Variants in VPS13B observed in about 807,000 individuals in gnomAD.
The protein encoded by VPS13B is vacuolar protein sorting 13 homolog B, also known as intermembrane lipid transfer protein VPS13B.
A neutral mutation model predicts 426.4 loss-of-function variants in VPS13B; 285 were observed. The observed-to-expected ratio is 0.67, with a 90% confidence interval of 0.61 to 0.74. The LOEUF (loss-of-function observed/expected upper bound fraction) is 0.74, where lower values mean the gene tolerates loss of function less well. Ranked by LOEUF, VPS13B falls within the 30% of genes least tolerant of loss-of-function variation. The pLI, the probability that VPS13B is intolerant of heterozygous loss-of-function variation, is 0.00. For missense variants in VPS13B, 4,537 were observed against 4,782.6 expected (o/e 0.95, Z 1.51); for synonymous variants, 1,676 against 1,676.4 (o/e 1.00, Z 0.01).
chr8:99,793,199 G>A (rs1812642172), intron 43 of VPS13B, among the ~76,000 whole-genome samples: 1 of 143,968 alleles, frequency 6.9e-6, no homozygotes, highest in Admixed American at 7.0e-5. Context: ...GCAAGACCCT[G>A]TCGCCAAAAA....
rs2130933328 is a variant in VPS13B, at chr8:99,859,298, T to C, written c.10868-6T>C. On this transcript the variant is annotated splice_region_variant and splice_polypyrimidine_tract_variant and intron_variant, in intron 56 of 61. Transcript: ENST00000357162. Reference sequence around the variant, plus strand: ...TCAATCACCCCTTCCCTCTTGTGCGTTGCAGGCTGGGTAGTTGGGTCTCTG... The same window carrying C: ...TCAATCACCCCTTCCCTCTTGTGCGCTGCAGGCTGGGTAGTTGGGTCTCTG... 1.2e-6 allele frequency: 2 copies of C among 1,613,402 alleles called. No homozygotes were observed. The highest frequency in any genetic ancestry group is 1.7e-6 in the Non-Finnish European group (2 of 1,179,906).
chr8:99,307,434 A>G (rs1419423541), intron 19 of VPS13B, among the ~76,000 whole-genome samples: 1 of 152,134 alleles, frequency 6.6e-6, no homozygotes, highest in Non-Finnish European at 1.5e-5. Context: ...CTATTTTCAA[A>G]TGCTTCCTAA....
chr8:99,640,037 GAAGAAGAAGAAGAGAAAAGAAAAGAAA>G (rs1829264213), intron 33 of VPS13B, among the ~76,000 whole-genome samples: 1 of 111,954 alleles, frequency 8.9e-6, no homozygotes, highest in Non-Finnish European at 1.8e-5. Flanking sequence ...AGAAGAAGAA[GAAGAAGAAGAAGAGAAAAGAAAAGAAA>G]AGAAAAGAAA....
chr8:99,255,055 G>GT (rs576028550), intron 17 of VPS13B, among the ~76,000 whole-genome samples: 45 of 149,078 alleles, frequency 3.0e-4, no homozygotes, highest in Middle Eastern at 3.5e-3. Flanking sequence ...TTTTTTCCCT[G>GT]TTTTTTTTTC....
In VPS13B at chr8:99,862,653, G is replaced by A. The variant is rs569113134; in HGVS notation, c.11215+707G>A. Among the ~76,000 whole-genome samples, 83 of 152,226 alleles carry A rather than the reference G, an allele frequency of 5.5e-4. 3 individuals carry two copies. The South Asian group carries it at 0.014, about 25-fold the overall frequency. ...TGTATTGCTTGGCAATGTGCCTTCC[G>A]CGCATCTGAGGAAGTGTGTGCCTCC... On this transcript the variant is annotated intron_variant, in intron 58 of 61. Transcript: ENST00000357162.
chr8:99,117,304 G>A (rs1001487173), intron 7 of VPS13B, among the ~76,000 whole-genome samples: 13 of 152,168 alleles, frequency 8.5e-5, no homozygotes, highest in Non-Finnish European at 1.9e-4. Flanking sequence ...ACAGGTATTG[G>A]TGAGGATGTG....
At chr8:99,344,424 C>T (rs142885234) in intron 19 of VPS13B, among the ~76,000 whole-genome samples, 7 of 152,286 alleles carry the variant, frequency 4.6e-5, no homozygotes, top group East Asian at 1.9e-4. Context: ...GATGTGTTTT[C>T]GAATTTCTCT....
In VPS13B at chr8:99,134,634, C is replaced by T. The variant is rs756539595; in HGVS notation, c.1209C>T (p.Leu403=). ...YCTKATVTFK[L]TEMQVESSYY... ...CTTAATATTCTTATATTTCTTAGCT[C>T]ACAGAAATGCAAGTTGAGAGTAGTT... Residue 403 remains leucine, a splice_region_variant and synonymous_variant, in exon 9 of 62, where the codon CTC becomes CTT. Transcript: ENST00000357162. 9.2e-5 allele frequency: 147 copies of T among 1,599,914 alleles called. No individual in the cohort carries two copies. Among genetic ancestry groups the T allele is most frequent in the Non-Finnish European group, 1.2e-4 (141 of 1,170,994 alleles).
rs990040393 is a variant in VPS13B at position 99,778,716 on chromosome 8, C to T, written c.7464C>T (p.Asp2488=). 2 of 1,613,962 alleles carry T rather than the reference C, an allele frequency of 1.2e-6. No individual in the cohort carries two copies. The highest frequency in any genetic ancestry group is 8.5e-7 in the Non-Finnish European group (1 of 1,179,880). ...APQYLQPFVS[D]RNMPSELEYM... ...AGTACCTACAGCCATTTGTTTCCGA[C>T]AGAAATATGCCATCTGAACTAGAAT... Residue 2488 remains aspartate (D), a synonymous_variant, in exon 42 of 62, where the codon GAC becomes GAT. Coordinates refer to ENST00000357162, the MANE Select transcript of VPS13B (RefSeq NM_152564.5).
At chr8:99,637,930 A>C (rs1829135001) in intron 33 of VPS13B, among the ~76,000 whole-genome samples, 1 of 152,102 alleles carries the variant, frequency 6.6e-6, no homozygotes, top group Admixed American at 6.6e-5. Context: ...AGGATTTTTT[A>C]GTTATACTGT....
At chr8:99,086,662 A>T (rs2132395588) in intron 3 of VPS13B, among the ~76,000 whole-genome samples, 1 of 151,948 alleles carries the variant, frequency 6.6e-6, no homozygotes, top group Non-Finnish European at 1.5e-5. Flanking sequence ...TCTGTTTGTT[A>T]GTTTTCCTTC....
intron 13 of VPS13B, among the ~76,000 whole-genome samples, chr8:99,145,337 A>G (rs1382601691): frequency 6.6e-6 from 1 of 152,166 alleles, no homozygotes; most frequent in Non-Finnish European, 1.5e-5. Flanking sequence ...ATTAAGTTCT[A>G]TACAATTTCA....
intron 35 of VPS13B, chr8:99,696,236 T>G (rs1424724539): frequency 5.3e-6 from 1 of 188,042 alleles, no homozygotes; most frequent in African/African-American, 2.4e-5. Flanking sequence ...GTCCCTCAAG[T>G]CCTTCAAGGA....
rs750393129 is a variant in VPS13B, at chr8:99,717,352, C to T, written c.6636C>T (p.Asp2212=). ...AATCCATACCAAAAATATCCATTGA[C>T]TTAAGAGGAGGTCTACTACAGGTCT... ...PEQSIPKISI[D]LRGGLLQVFW... is the part of the protein sequence containing the mutation. The change falls in exon 37 of 62, where the codon GAC becomes GAT. Residue 2212 remains aspartate, a synonymous_variant. Transcript: ENST00000357162. 6.2e-7 allele frequency: 1 copy of T among 1,613,938 alleles called. No homozygotes were observed.
At chr8:99,813,551 C>G (rs1813846456) in intron 44 of VPS13B, among the ~76,000 whole-genome samples, 2 of 152,296 alleles carry the variant, frequency 1.3e-5, no homozygotes, top group South Asian at 4.1e-4. Flanking sequence ...CTAGCATATG[C>G]TAAAGAAAAG....
At chr8:99,226,842 T>C (rs78692334) in intron 17 of VPS13B, among the ~76,000 whole-genome samples, 3,302 of 152,320 alleles carry the variant, frequency 0.022, 132 homozygotes, top group African/African-American at 0.075. Context: ...GGTCAGAATA[T>C]TTGGACTATC....
chr8:99,336,694 T>A (rs1810894825), intron 19 of VPS13B, among the ~76,000 whole-genome samples: 1 of 152,072 alleles, frequency 6.6e-6, no homozygotes, highest in Non-Finnish European at 1.5e-5. Context: ...CATCAAAAAG[T>A]GGGTGAAGGA....
At chr8:99,066,307 T>C (rs932126679) in intron 3 of VPS13B, among the ~76,000 whole-genome samples, 7 of 152,204 alleles carry the variant, frequency 4.6e-5, no homozygotes, top group African/African-American at 1.7e-4. Flanking sequence ...AACAGATATA[T>C]AGACCAATGG....
At chr8:99,290,206 T>A (rs1819654298) in intron 19 of VPS13B, among the ~76,000 whole-genome samples, 2 of 152,032 alleles carry the variant, frequency 1.3e-5, no homozygotes, top group Non-Finnish European at 2.9e-5. Context: ...ACATTTAAAA[T>A]GTAGTTTATT....
Sources: gnomAD v4.1 joint callset for allele counts (sites outside exome capture counted in the v4.1 genomes callset) on GRCh38, gnomAD v4.1.1 for gene constraint, MANE v1.5 for transcripts, NCBI Gene and HGNC (gene_info 2026-07-23, HGNC 2026-07-21) for gene names.